Variants in USP40 observed in about 807,000 individuals in gnomAD.
USP40 encodes the protein ubiquitin carboxyl-terminal hydrolase 40.
In USP40, 143 loss-of-function variants were observed where a neutral mutation model predicts 166.2. The observed-to-expected ratio is 0.86, with a 90% confidence interval of 0.75 to 0.99. The LOEUF (loss-of-function observed/expected upper bound fraction) is 0.99. USP40 is among the 50% of genes least tolerant of loss of function. USP40 has a pLI of 0.00. For missense variants in USP40, 1,444 were observed against 1,479.7 expected, an observed-to-expected ratio of 0.98 and a Z score of 0.40; for synonymous variants, 498 against 524.0, an observed-to-expected ratio of 0.95 and a Z score of 0.68.
Position 233,493,697 on chromosome 2 carries a change from T to C in USP40, c.2791-146A>G. On this transcript the variant is annotated intron_variant, in intron 24 of 31. Transcript: ENST00000678225. The surrounding 1 kb of genome is among the most constrained non-coding windows in gnomAD (Gnocchi z 4.7). The stretch of plus-strand genomic sequence containing the variant: ...TTTAGATTTATTAACTGTCATAAAT[T>C]ATACTTGTTTTTACAATCAAAAATT... 9.3e-7 allele frequency: 1 copy of C among 1,080,662 alleles called. No individual in the cohort carries two copies. The highest frequency in any genetic ancestry group is 1.3e-6 in the Non-Finnish European group (1 of 788,672). The allele number at this position is 1,080,662 out of a possible 1,614,324, so 66.9% of individuals were successfully genotyped here.
At chr2:233,539,022 C>T (rs139634734) in intron 10 of USP40, among the ~76,000 whole-genome samples, 1,742 of 152,082 alleles carry the variant, frequency 0.011, 18 homozygotes, top group Non-Finnish European at 0.019. Context: ...GAGCAAAACT[C>T]TGTCTCAAAA....
In USP40 at chr2:233,516,760, G is replaced by A. The variant is rs1575273359; in HGVS notation, c.2383+2854C>T. Among the ~76,000 whole-genome samples, 3 of 151,832 alleles carry A rather than the reference G, an allele frequency of 2.0e-5. No homozygotes were observed. In the South Asian group the frequency reaches 6.3e-4, roughly 32 times the overall value. ...GTAACCCAGATATTCGGGAGGCTGAGGCAAGAGAATCGCTTGAACCCAGGA... is the reference window on the plus strand; with the variant it reads ...GTAACCCAGATATTCGGGAGGCTGAAGCAAGAGAATCGCTTGAACCCAGGA... On this transcript the variant is annotated intron_variant, in intron 18 of 31. Transcript: ENST00000678225.
At chr2:233,525,349 T>C in intron 14 of USP40, 129 bp downstream of exon 14, 1 of 563,592 alleles carries the variant, frequency 1.8e-6, no homozygotes, top group Middle Eastern at 3.1e-4. Context: ...ACTTACAGTG[T>C]GAAGATAATC....
Position 233,475,882 on chromosome 2 carries a change from C to G in USP40, c.*1510G>C, listed in dbSNP as rs1257774369. The G allele has an allele frequency of 6.6e-6, 1 of 152,430 alleles. No homozygotes were observed. The highest frequency in any genetic ancestry group is 2.4e-5 in the African/African-American group (1 of 41,474). 9.4% of individuals were successfully genotyped at this position (152,430 alleles called of 1,614,324 possible). ...GCTGGGCGCCCAGCTCGTCACGACA[C>G]TTACAGCTCTGGCGTCATCAGAAGC... On this transcript the variant is annotated 3_prime_UTR_variant, in exon 32 of 32. Coordinates refer to ENST00000678225, the MANE Select transcript of USP40 (RefSeq NM_001365479.2).
At chr2:233,485,223 C>T (rs1046830385) in intron 30 of USP40, among the ~76,000 whole-genome samples, 1 of 152,214 alleles carries the variant, frequency 6.6e-6, no homozygotes, top group African/African-American at 2.4e-5. Context: ...CGTCATGTCA[C>T]ACAGTAGTGT....
In USP40 at chr2:233,485,592, T is replaced by C. The variant is rs764283341; in HGVS notation, c.3443A>G (p.Lys1148Arg). The C allele has an allele frequency of 2.5e-6, 4 of 1,613,858 alleles. No individual in the cohort carries two copies. Among genetic ancestry groups the C allele is most frequent in the South Asian group, 2.2e-5 (2 of 91,062 alleles). The change falls in exon 30 of 32, where the codon AAA (lysine) becomes AGA (arginine). Residue 1148 changes from lysine to arginine, a missense_variant. Lys to Arg is a conservative substitution (Grantham distance 26). Transcript: ENST00000678225. ...QQITKRKKKKKQDYLQGAPYY... is the reference protein window; with the variant it reads ...QQITKRKKKKRQDYLQGAPYY... ...CGGTGCCCCTTGCAAATAATCTTGT[T>C]TTTTTTTCTTTTTCCTCTTGGTTAT... is the stretch of plus-strand genomic sequence containing the variant.
At chr2:233,481,146 A>C (rs1276778944) in intron 31 of USP40, 57 bp downstream of exon 31, 5 of 1,466,734 alleles carry the variant, frequency 3.4e-6, no homozygotes. Context: ...AGCAGGAATA[A>C]GAGAGAGTCA....
At position 233,533,470 on chromosome 2, in the gene USP40, T is replaced by C. The variant is rs1212619235; in HGVS notation, c.1471+9A>G. On this transcript the variant is annotated intron_variant, in intron 11 of 31. Transcript: ENST00000678225. ...ACTGAAACAAATAGGAACATTTTTC[T>C]TTCCATACCTTCAGGGGGTCTCTGC... 3 of 1,602,150 alleles carry C rather than the reference T, an allele frequency of 1.9e-6. No homozygotes were observed. Among genetic ancestry groups the C allele is most frequent in the South Asian group, 1.1e-5 (1 of 89,692 alleles).
intron 8 of USP40, among the ~76,000 whole-genome samples, chr2:233,543,549 G>C (rs995724283): frequency 6.6e-6 from 1 of 152,172 alleles, no homozygotes. Context: ...GGGTCTTCAG[G>C]AGATAATTAG....
chr2:233,538,845 C>T (rs1471463908), intron 10 of USP40, among the ~76,000 whole-genome samples: 1 of 152,000 alleles, frequency 6.6e-6, no homozygotes, highest in African/African-American at 2.4e-5. Context: ...ACGGAGACAC[C>T]ATCTCTACAA....
In USP40 at chr2:233,477,465, G is replaced by C. The variant is rs1300602222; in HGVS notation, c.3638C>G (p.Ser1213Cys). The C allele has an allele frequency of 5.0e-6, 8 of 1,613,668 alleles. No homozygotes were observed. The African/African-American group carries it at 9.3e-5, about 19-fold the overall frequency. The change falls in exon 32 of 32, where the codon TCC (serine) becomes TGC (cysteine). Residue 1213 changes from serine (S) to cysteine (C), a missense_variant. Coordinates refer to ENST00000678225, the MANE Select transcript of USP40 (RefSeq NM_001365479.2). ...GGGCCGGGCAGGCGTCTCTGCACTG[G>C]AGAGGATGTAGCTGCTCTGCTCATG... The part of the protein sequence containing the change: ...ALHEQSSYIL[S>C]SAETPARPRA...
rs937383432 is a variant in USP40, at chr2:233,475,645, G to C, written c.*1747C>G. On this transcript the variant is annotated 3_prime_UTR_variant, in exon 32 of 32. Coordinates refer to ENST00000678225, the MANE Select transcript of USP40 (RefSeq NM_001365479.2). ...AAGAAGGCAAAGGCCACACGCACAG[G>C]CCGGCCCGGCCGCACGCGCCTGCTG... The C allele has an allele frequency of 6.6e-6, 1 of 152,364 alleles. No homozygotes were observed. Among genetic ancestry groups the C allele is most frequent in the Non-Finnish European group, 1.5e-5 (1 of 68,060 alleles). 9.4% of individuals were successfully genotyped at this position (152,364 alleles called of 1,614,324 possible).
At chr2:233,509,186 ATTT>A (rs993043345) in intron 21 of USP40, among the ~76,000 whole-genome samples, 2 of 152,204 alleles carry the variant, frequency 1.3e-5, no homozygotes, top group East Asian at 3.8e-4. Context: ...TGGAAAAAAA[ATTT>A]TTTAAGAAAA....
At chr2:233,513,422 G>A (rs926676733) in intron 18 of USP40, among the ~76,000 whole-genome samples, 1 of 152,208 alleles carries the variant, frequency 6.6e-6, no homozygotes, top group African/African-American at 2.4e-5. Flanking sequence ...GTAATGAAGT[G>A]TACATGCAGT....
chr2:233,505,997 T>C (rs930610818), intron 21 of USP40, among the ~76,000 whole-genome samples: 1 of 152,108 alleles, frequency 6.6e-6, no homozygotes, highest in Non-Finnish European at 1.5e-5. Flanking sequence ...ATCCCAAGGA[T>C]GAAAAAATTC....
intron 18 of USP40, chr2:233,512,890 C>T (rs1318109087): frequency 5.0e-6 from 1 of 201,978 alleles, no homozygotes; most frequent in East Asian, 9.8e-5. Flanking sequence ...CCTGGTCAAA[C>T]TGTGCAAAAC....
At position 233,493,694 on chromosome 2, in the gene USP40, A is replaced by G; in HGVS notation, c.2791-143T>C. The G allele has an allele frequency of 9.2e-7, 1 of 1,086,136 alleles. No homozygotes were observed. The highest frequency in any genetic ancestry group is 1.3e-6 in the Non-Finnish European group (1 of 794,944). The allele number at this position is 1,086,136 out of a possible 1,614,324, so 67.3% of individuals were successfully genotyped here. A position where few individuals can be genotyped will look rare whatever the true frequency, so the allele number is the denominator to read the frequency against. On this transcript the variant is annotated intron_variant, in intron 24 of 31. Transcript: ENST00000678225. This position sits in a 1 kb window ranked among gnomAD's most constrained non-coding sequence, Gnocchi z 4.7. Reference sequence around the variant, plus strand: ...CCTTTTAGATTTATTAACTGTCATAAATTATACTTGTTTTTACAATCAAAA... The same window carrying G: ...CCTTTTAGATTTATTAACTGTCATAGATTATACTTGTTTTTACAATCAAAA...
chr2:233,500,634 T>C lies in USP40; in HGVS notation c.2614-719A>G, dbSNP rs1040812792. On this transcript the variant is annotated intron_variant, in intron 21 of 31. Coordinates refer to ENST00000678225, the MANE Select transcript of USP40 (RefSeq NM_001365479.2). ...AAAAAAAACCCCACCAAAATACACATTAATGGGAGATTTTTTAAAAAGTAG... is the reference window on the plus strand; with the variant it reads ...AAAAAAAACCCCACCAAAATACACACTAATGGGAGATTTTTTAAAAAGTAG... 3.5e-4 allele frequency among the ~76,000 whole-genome samples: 53 copies of C among 152,236 alleles called. 1 individual carries two copies. Among genetic ancestry groups the C allele is most frequent in the Admixed American group, 3.2e-3 (49 of 15,296 alleles).
chr2:233,477,567 C>G, intron 31 of USP40, 64 bp from the exon 32 acceptor site: 1 of 1,384,188 alleles, frequency 7.2e-7, no homozygotes, highest in South Asian at 1.2e-5. Flanking sequence ...GAGGGGTTCA[C>G]GAAGACCCCA....
Sources: gnomAD v4.1 joint callset for allele counts (sites outside exome capture counted in the v4.1 genomes callset) on GRCh38, gnomAD v4.1.1 for gene constraint, Gnocchi (gnomAD v3.1) non-coding constraint, MANE v1.5 for transcripts, NCBI Gene and HGNC (gene_info 2026-07-23, HGNC 2026-07-21) for gene names.